Variants in FAM107B observed in about 807,000 individuals in gnomAD.
The protein encoded by FAM107B is protein FAM107B.
A neutral mutation model predicts 31.5 loss-of-function variants in FAM107B; 21 were observed. The ratio of observed to expected loss-of-function variants is 0.67; its 90% CI spans 0.47 to 0.96. The LOEUF (loss-of-function observed/expected upper bound fraction) is 0.96, where lower values mean the gene tolerates loss of function less well. Ranked by LOEUF, FAM107B falls within the 40% of genes least tolerant of loss-of-function variation. The pLI, the probability that FAM107B is intolerant of heterozygous loss-of-function variation, is 0.00. For missense variants in FAM107B, 452 were observed against 377.1 expected, an observed-to-expected ratio of 1.20 and a Z score of -1.64; for synonymous variants, 157 against 141.5, an observed-to-expected ratio of 1.11 and a Z score of -0.78.
intron 2 of FAM107B, among the ~76,000 whole-genome samples, chr10:14,536,842 G>A (rs776599550): frequency 3.9e-5 from 6 of 152,102 alleles, no homozygotes; most frequent in Non-Finnish European, 7.4e-5. Flanking sequence ...AAACAATGAC[G>A]AACTCAATAA....
chr10:14,565,649 C>G (rs550815352), intron 2 of FAM107B, among the ~76,000 whole-genome samples: 1 of 152,068 alleles, frequency 6.6e-6, no homozygotes, highest in Non-Finnish European at 1.5e-5. Context: ...GGGCTGGATA[C>G]GTAGATATGA....
chr10:14,632,038 C>T (rs1420009859), intron 2 of FAM107B, among the ~76,000 whole-genome samples: 2 of 152,132 alleles, frequency 1.3e-5, no homozygotes, highest in East Asian at 3.8e-4. Flanking sequence ...TGGCTCACAC[C>T]TGTAATCCCA....
intron 2 of FAM107B, among the ~76,000 whole-genome samples, chr10:14,555,345 G>C (rs1849603246): frequency 6.6e-6 from 1 of 152,110 alleles, no homozygotes; most frequent in Admixed American, 6.5e-5. Context: ...CTGACTACTG[G>C]ATTAAATAAT....
rs35540585 is a variant in FAM107B, at chr10:14,595,422, C to CTTTTTTTT, written c.470-64915_470-64908dup. ...TGGCTCAGCTTCTTCCTAGGGCAAC[C>CTTTTTTTT]TTTTTTTTTTTTTTTTTTTTTGAGA... On this transcript the variant is annotated intron_variant, in intron 2 of 4. Transcript: ENST00000181796. Among the ~76,000 whole-genome samples, 17 of 98,162 alleles carry CTTTTTTTT rather than the reference C, an allele frequency of 1.7e-4. 2 individuals are homozygous for CTTTTTTTT. The highest frequency in any genetic ancestry group is 7.1e-4 in the South Asian group (2 of 2,812). 64.4% of individuals were successfully genotyped at this position (98,162 alleles called of 152,430 possible). A position where few individuals can be genotyped will look rare whatever the true frequency, so the allele number is the denominator to read the frequency against.
At chr10:14,628,081 T>A (rs978697306) in intron 2 of FAM107B, among the ~76,000 whole-genome samples, 32 of 151,458 alleles carry the variant, frequency 2.1e-4, no homozygotes, top group Admixed American at 4.6e-4. Flanking sequence ...TTTCTTTCTG[T>A]TTGTTTCCTT....
chr10:14,532,819 G>A (rs1351415753), intron 2 of FAM107B: 1 of 152,208 alleles, frequency 6.6e-6, no homozygotes, highest in African/African-American at 2.4e-5. Flanking sequence ...TAATCTCCAC[G>A]ATGCCAAACC....
At chr10:14,555,052 G>C (rs560411060) in intron 2 of FAM107B, among the ~76,000 whole-genome samples, 4 of 152,310 alleles carry the variant, frequency 2.6e-5, no homozygotes, top group African/African-American at 9.6e-5. Context: ...TGCCTGCTCA[G>C]ATTAGTCATA....
rs1845701480 is a variant in FAM107B at position 14,522,039 on chromosome 10, A to G, written c.654-20T>C. ...AGACCCCTGCGAAAGAGCATTAACA[A>G]AAATAGAAAACGTTAATCTAATGGC... is the stretch of plus-strand genomic sequence containing the variant. On this transcript the variant is annotated intron_variant, in intron 3 of 4. Coordinates refer to ENST00000181796, the MANE Select transcript of FAM107B (RefSeq NM_031453.4). 2.5e-6 allele frequency: 4 copies of G among 1,592,100 alleles called. No individual in the cohort carries two copies. The highest frequency in any genetic ancestry group is 2.6e-6 in the Non-Finnish European group (3 of 1,174,654).
rs11377065 is a variant in FAM107B, at chr10:14,672,104, A to ATTTTT, written c.412-4418_412-4414dup. Among the ~76,000 whole-genome samples, 65 of 142,290 alleles carry ATTTTT rather than the reference A, an allele frequency of 4.6e-4. No individual in the cohort carries two copies. The South Asian group carries it at 9.6e-3, about 21-fold the overall frequency. The allele number at this position is 142,290 out of a possible 152,430, so 93.3% of individuals were successfully genotyped here. On this transcript the variant is annotated intron_variant, in intron 1 of 4. Coordinates refer to ENST00000181796, the MANE Select transcript of FAM107B (RefSeq NM_031453.4). ...CTTTCTTTTTATTTTTTATTTATTT[A>ATTTTT]TTTTTTTTTTTGAGGCAAAGTCTTG... is the stretch of plus-strand genomic sequence containing the variant.
intron 2 of FAM107B, among the ~76,000 whole-genome samples, chr10:14,650,756 A>C (rs1853877963): frequency 6.6e-6 from 1 of 152,214 alleles, no homozygotes; most frequent in African/African-American, 2.4e-5. Flanking sequence ...CACAGCATTA[A>C]ATCATTAGCT....
At chr10:14,613,067 G>T (rs1852763731) in intron 2 of FAM107B, among the ~76,000 whole-genome samples, 1 of 152,062 alleles carries the variant, frequency 6.6e-6, no homozygotes, top group Non-Finnish European at 1.5e-5. Context: ...CACCTCCCAG[G>T]TTCAAGCAAT....
intron 2 of FAM107B, among the ~76,000 whole-genome samples, chr10:14,663,877 G>T (rs1854328955): frequency 1.3e-5 from 1 of 77,274 alleles, no homozygotes. Context: ...CCAAGAATTA[G>T]ATCATCAGCC....
At chr10:14,595,000 G>A (rs2131352008) in intron 2 of FAM107B, among the ~76,000 whole-genome samples, 1 of 152,078 alleles carries the variant, frequency 6.6e-6, no homozygotes, top group East Asian at 1.9e-4. Flanking sequence ...TATGCTACAT[G>A]AACAAAACCA....
intron 2 of FAM107B, among the ~76,000 whole-genome samples, chr10:14,606,655 G>A (rs1161028996): frequency 1.3e-5 from 2 of 152,008 alleles, no homozygotes; most frequent in Admixed American, 6.6e-5. Flanking sequence ...CTTATATAAG[G>A]AGGCAGAGAC....
chr10:14,704,572 A>T lies in FAM107B; in HGVS notation c.412-36881T>A, dbSNP rs1855478154. On this transcript the variant is annotated intron_variant, in intron 1 of 4. Transcript: ENST00000181796. Reference sequence around the variant, plus strand: ...AAAGTTCAAGATGGTTAAAAATTAAACTGCATATTTAACTGAATCTAAGGT... The same window carrying T: ...AAAGTTCAAGATGGTTAAAAATTAATCTGCATATTTAACTGAATCTAAGGT... Among the ~76,000 whole-genome samples the T allele has an allele frequency of 2.6e-5, 4 of 152,370 alleles. No individual in the cohort carries two copies. The South Asian group carries it at 8.3e-4, about 32-fold the overall frequency.
At chr10:14,586,016 C>CGT (rs1334780989) in intron 2 of FAM107B, among the ~76,000 whole-genome samples, 1 of 152,148 alleles carries the variant, frequency 6.6e-6, no homozygotes, top group Non-Finnish European at 1.5e-5. Context: ...CTTGCTTGGG[C>CGT]GTGCAGGGGT....
chr10:14,743,756 G>T (rs1832670182), intron 1 of FAM107B, among the ~76,000 whole-genome samples: 1 of 152,166 alleles, frequency 6.6e-6, no homozygotes, highest in African/African-American at 2.4e-5. Flanking sequence ...GGTTACTGTA[G>T]CCTTGTAGTA....
intron 2 of FAM107B, among the ~76,000 whole-genome samples, chr10:14,583,615 A>G (rs1242857269): frequency 6.6e-6 from 1 of 152,122 alleles, no homozygotes; most frequent in Non-Finnish European, 1.5e-5. Flanking sequence ...ACCCCACCCC[A>G]GTCCTAAAGG....
intron 2 of FAM107B, among the ~76,000 whole-genome samples, chr10:14,592,935 C>T (rs113484495): frequency 0.013 from 1,985 of 152,312 alleles, 53 homozygotes; most frequent in African/African-American, 0.044. Flanking sequence ...TTCCCCCAGG[C>T]TTCCAGCTCA....
Sources: gnomAD v4.1 joint callset for allele counts (sites outside exome capture counted in the v4.1 genomes callset) on GRCh38, gnomAD v4.1.1 for gene constraint, MANE v1.5 for transcripts, NCBI Gene and HGNC (gene_info 2026-07-23, HGNC 2026-07-21) for gene names.